XYLB: variants seen among roughly 807,000 people sequenced by gnomAD.
XYLB encodes the protein xylulose kinase.
In XYLB, 62 loss-of-function variants were observed where a neutral mutation model predicts 78.7. The observed-to-expected ratio is 0.79, with a 90% CI of 0.64 to 0.97. The LOEUF is 0.97. Among genes scored for constraint, XYLB ranks in the 50% least tolerant of loss-of-function variants. The probability of loss-of-function intolerance (pLI) is 0.00; values close to 1 mark genes in which losing one functional copy is unlikely to be tolerated. For synonymous variants in XYLB, 245 were observed against 247.4 expected (o/e 0.99, Z 0.09); for missense variants, 687 against 676.8 (o/e 1.02, Z -0.17).
At chr3:38,376,065 T>C in intron 12 of XYLB, 52 bp from the exon 13 acceptor site, 1 of 1,254,842 alleles carries the variant, frequency 8.0e-7, no homozygotes, top group East Asian at 2.3e-5. Flanking sequence ...AACTCATGGG[T>C]CCAGTCAGCA....
chr3:38,452,883 C>T, the XYLB span: 1 of 152,276 alleles, frequency 6.6e-6, no homozygotes, highest in Non-Finnish European at 1.5e-5. Context: ...TGCCACCTCC[C>T]TTTCAGCTGC....
At position 38,365,188 on chromosome 3, in the gene XYLB, T is replaced by C. The variant is rs1706183174; in HGVS notation, c.292-11T>C. 1 of 1,613,780 alleles carries C rather than the reference T, an allele frequency of 6.2e-7. No homozygotes were observed. Among genetic ancestry groups the C allele is most frequent in the Admixed American group, 1.7e-5 (1 of 59,976 alleles). On this transcript the variant is annotated splice_polypyrimidine_tract_variant and intron_variant, in intron 4 of 18. Coordinates refer to ENST00000207870, the MANE Select transcript of XYLB (RefSeq NM_005108.4). ...GTGGTCATGTGACCATGTGCTTGGG[T>C]TTCCCAACAGCAACACGGAAGTATA...
chr3:38,390,205 A>G (rs1282506212), intron 15 of XYLB, among the ~76,000 whole-genome samples: 1 of 151,988 alleles, frequency 6.6e-6, no homozygotes, highest in Non-Finnish European at 1.5e-5. Flanking sequence ...TTATTTTACT[A>G]TTTATTTTTA....
Position 38,368,276 on chromosome 3 carries a change from G to T in XYLB, c.646+19G>T, listed in dbSNP as rs758400746. On this transcript the variant is annotated intron_variant, in intron 8 of 18. Coordinates refer to ENST00000207870, the MANE Select transcript of XYLB (RefSeq NM_005108.4). ...AGTGATGGTGAGCCTCGGGGTATGG[G>T]GTGGGTGCCTGGGCAGTGTGCATGT... The T allele has an allele frequency of 6.2e-7, 1 of 1,613,116 alleles. No individual in the cohort carries two copies. Among genetic ancestry groups the T allele is most frequent in the South Asian group, 1.1e-5 (1 of 91,052 alleles).
chr3:38,425,397 A>G (rs1559632402), downstream of XYLB, among the ~76,000 whole-genome samples: 2 of 152,270 alleles, frequency 1.3e-5, no homozygotes, highest in Admixed American at 1.3e-4. Flanking sequence ...TGTGGAAAGA[A>G]TGAATCACTC....
chr3:38,408,669 A>G (rs1475363621), intron 18 of XYLB, among the ~76,000 whole-genome samples: 1 of 144,858 alleles, frequency 6.9e-6, no homozygotes, highest in Non-Finnish European at 1.6e-5. Flanking sequence ...AGAGAGAAGA[A>G]TCAAATAGAC....
At chr3:38,368,863 T>C (rs62239870) in intron 8 of XYLB, among the ~76,000 whole-genome samples, 31,713 of 152,058 alleles carry the variant, frequency 0.21, 3,394 homozygotes, top group Admixed American at 0.29. Flanking sequence ...GGGACGATCA[T>C]GGAGCCTGGC....
the XYLB span, among the ~76,000 whole-genome samples, chr3:38,432,753 C>G: frequency 6.6e-6 from 1 of 152,260 alleles, no homozygotes; most frequent in South Asian, 2.1e-4. Context: ...ACATCCAGGT[C>G]ATGCTGATGC....
chr3:38,427,061 C>T, the XYLB span, among the ~76,000 whole-genome samples: 1 of 152,200 alleles, frequency 6.6e-6, no homozygotes, highest in Non-Finnish European at 1.5e-5. Flanking sequence ...ATGCTTTTAG[C>T]TAATCTACAA....
downstream of XYLB, among the ~76,000 whole-genome samples, chr3:38,420,947 G>A (rs1708957306): frequency 6.6e-6 from 1 of 152,232 alleles, no homozygotes; most frequent in South Asian, 2.1e-4. Flanking sequence ...AACCACAAAC[G>A]ATAGCAGGAA....
At chr3:38,347,995 A>T (rs1705161545) in intron 1 of XYLB, among the ~76,000 whole-genome samples, 1 of 152,222 alleles carries the variant, frequency 6.6e-6, no homozygotes, top group Admixed American at 6.5e-5. Flanking sequence ...GGGACTCTGG[A>T]TGACTCGAGT....
chr3:38,439,918 G>T, the XYLB span, among the ~76,000 whole-genome samples: 1 of 152,204 alleles, frequency 6.6e-6, no homozygotes, highest in African/African-American at 2.4e-5. Context: ...CAGTGAGGAG[G>T]TCTAGGCCTC....
chr3:38,397,147 C>T lies in XYLB; in HGVS notation c.1426C>T (p.Arg476Ter), dbSNP rs79233786. The change falls in exon 17 of 19, where the codon CGA becomes TGA. Residue 476 changes from arginine to a stop codon, truncating the protein, a stop_gained. Transcript: ENST00000207870. LOFTEE classifies it high-confidence loss of function. ...CTCGGCCTGTGTGGGTTCTGCATAC[C>T]GAGCTTTTCATGGTAGGTTGATGGA... Reference protein sequence around the residue: ...ANSACVGSAYRAFHGLAGGTD... With the variant: ...ANSACVGSAY 2.1e-4 allele frequency: 345 copies of T among 1,614,056 alleles called. 3 individuals carry two copies. In the East Asian group the frequency reaches 7.0e-3, roughly 33 times the overall value.
In XYLB at chr3:38,370,187, T is replaced by C; in HGVS notation, c.765+13T>C. On this transcript the variant is annotated intron_variant, in intron 9 of 18. Transcript: ENST00000207870. ...ATGCTCAGTTGTGGTAGGTCTCCTT[T>C]CTGGTGATGTGGCTCATTTAAGAGC... 6.2e-7 allele frequency: 1 copy of C among 1,607,920 alleles called. No homozygotes were observed. The highest frequency in any genetic ancestry group is 1.1e-5 in the South Asian group (1 of 90,944).
chr3:38,377,221 C>A (rs1251787113), intron 14 of XYLB, among the ~76,000 whole-genome samples: 1 of 151,774 alleles, frequency 6.6e-6, no homozygotes, highest in East Asian at 1.9e-4. Flanking sequence ...CCTGAGAGTT[C>A]TCTTCCTATT....
intron 14 of XYLB, among the ~76,000 whole-genome samples, chr3:38,378,900 A>C (rs1232614357): frequency 6.6e-6 from 1 of 150,564 alleles, no homozygotes; most frequent in African/African-American, 2.5e-5. Flanking sequence ...CGCCACTATT[A>C]CCTCTGTTTT....
At chr3:38,369,426 C>A (rs1034539748) in intron 8 of XYLB, among the ~76,000 whole-genome samples, 1 of 152,126 alleles carries the variant, frequency 6.6e-6, no homozygotes, top group Non-Finnish European at 1.5e-5. Flanking sequence ...CTCCACTCTG[C>A]CCCCCTTCAC....
chr3:38,401,550 G>A (rs1320139708), intron 18 of XYLB, among the ~76,000 whole-genome samples: 1 of 152,214 alleles, frequency 6.6e-6, no homozygotes, highest in Non-Finnish European at 1.5e-5. Context: ...GAGCAGCAAT[G>A]CAATTTCTGG....
the XYLB span, among the ~76,000 whole-genome samples, chr3:38,432,138 T>C: frequency 6.6e-6 from 1 of 152,128 alleles, no homozygotes; most frequent in Non-Finnish European, 1.5e-5. Flanking sequence ...TCCTCACATT[T>C]CAAAACACAA....
Sources: allele counts gnomAD v4.1 joint callset (sites outside exome capture counted in the v4.1 genomes callset), GRCh38; gene constraint gnomAD v4.1.1; transcripts MANE v1.5; gene names NCBI Gene and HGNC (gene_info 2026-07-23, HGNC 2026-07-21).